PDE1C: variants seen among roughly 807,000 people sequenced by gnomAD.
PDE1C encodes the protein phosphodiesterase 1C.
Under a neutral mutation model 93.1 loss-of-function variants are expected in PDE1C, and 62 were observed. The ratio of observed to expected loss-of-function variants is 0.67; its 90% CI spans 0.54 to 0.82. The LOEUF (loss-of-function observed/expected upper bound fraction) is 0.82, where lower values mean the gene tolerates loss of function less well. Ranked by LOEUF, PDE1C falls within the 40% of genes least tolerant of loss-of-function variation. The probability of loss-of-function intolerance (pLI) is 0.00; values close to 1 mark genes in which losing one functional copy is unlikely to be tolerated. For synonymous variants in PDE1C, 325 were observed against 310.1 expected, an observed-to-expected ratio of 1.05 and a Z score of -0.50; for missense variants, 742 against 884.6, an observed-to-expected ratio of 0.84 and a Z score of 2.04.
intron 1 of PDE1C, among the ~76,000 whole-genome samples, chr7:32,382,465 G>T (rs441261): frequency 6.6e-6 from 1 of 152,016 alleles, no homozygotes; most frequent in Non-Finnish European, 1.5e-5. Context: ...GAAATGAGAA[G>T]GCTTTTAGTT....
At chr7:31,643,553 C>A in the PDE1C span, 3 of 1,613,920 alleles carry the variant, frequency 1.9e-6, no homozygotes, top group Admixed American at 1.7e-5. Context: ...GCCTTGGGGA[C>A]TGGTCCCAGA....
At chr7:32,278,301 G>T (rs1004674090) in intron 1 of PDE1C, among the ~76,000 whole-genome samples, 1 of 152,126 alleles carries the variant, frequency 6.6e-6, no homozygotes, top group Non-Finnish European at 1.5e-5. Context: ...GAAAGAACTG[G>T]AAATTAAAAT....
intron 9 of PDE1C, among the ~76,000 whole-genome samples, chr7:31,841,655 G>A (rs1277207251): frequency 2.0e-5 from 3 of 151,976 alleles, no homozygotes; most frequent in Admixed American, 6.6e-5. Context: ...TAAATATGGG[G>A]AATTCTTTTA....
chr7:31,999,326 C>T (rs75379238), intron 2 of PDE1C, among the ~76,000 whole-genome samples: 1 of 152,312 alleles, frequency 6.6e-6, no homozygotes, highest in African/African-American at 2.4e-5. Flanking sequence ...TTCATAAGAA[C>T]ATATCACAGG....
chr7:32,304,097 G>T (rs190689687), upstream of PDE1C, among the ~76,000 whole-genome samples: 465 of 152,206 alleles, frequency 3.1e-3, 11 homozygotes, highest in South Asian at 1.2e-3. Context: ...AACCAGGTTT[G>T]CCTAGAGACC....
intron 2 of PDE1C, among the ~76,000 whole-genome samples, chr7:31,881,378 G>GA (rs1273830075): frequency 3.3e-5 from 5 of 151,958 alleles, no homozygotes; most frequent in East Asian, 3.9e-4. Context: ...TTACTGGACA[G>GA]AAAAAATCAC....
At chr7:31,994,306 C>T (rs1784470493) in intron 2 of PDE1C, among the ~76,000 whole-genome samples, 1 of 151,922 alleles carries the variant, frequency 6.6e-6, no homozygotes, top group East Asian at 1.9e-4. Context: ...AAAAAGATAC[C>T]AAAACTTTTT....
chr7:32,085,565 G>A (rs188478836), intron 3 of PDE1C, among the ~76,000 whole-genome samples: 50,161 of 144,960 alleles, frequency 0.35, 9,437 homozygotes, highest in Non-Finnish European at 0.42. Context: ...CAGAATTTTA[G>A]ACCAATATCC....
rs1189002852 is a variant in PDE1C at position 32,162,194 on chromosome 7, C to A, written c.308+7591G>T. 2.6e-5 allele frequency among the ~76,000 whole-genome samples: 4 copies of A among 152,148 alleles called. No individual in the cohort carries two copies. The East Asian group carries it at 7.7e-4, about 29-fold the overall frequency. On this transcript the variant is annotated intron_variant, in intron 3 of 18. Transcript: ENST00000396193. ...AATCCCCTGTAAGGCAATAAAAGTA[C>A]AAGATACTAAAGAAAATTGTGACTT...
chr7:31,697,517 A>G, the PDE1C span, among the ~76,000 whole-genome samples: 1 of 152,216 alleles, frequency 6.6e-6, no homozygotes, highest in African/African-American at 2.4e-5. Context: ...AGACAGAAAA[A>G]GAGATGCAGA....
chr7:32,327,088 A>G (rs1001273933), intron 1 of PDE1C, among the ~76,000 whole-genome samples: 4 of 152,212 alleles, frequency 2.6e-5, no homozygotes, highest in Admixed American at 2.0e-4. Context: ...ACACGAGCAC[A>G]CAGAAACATC....
At chr7:31,744,506 C>T in the PDE1C span, among the ~76,000 whole-genome samples, 1 of 152,102 alleles carries the variant, frequency 6.6e-6, no homozygotes, top group Non-Finnish European at 1.5e-5. Context: ...TGACTGTGAG[C>T]GTATCAGGTG....
At chr7:31,689,269 G>A in the PDE1C span, among the ~76,000 whole-genome samples, 109 of 152,278 alleles carry the variant, frequency 7.2e-4, no homozygotes, top group Middle Eastern at 0.014. Context: ...CTTTGTAGTA[G>A]ACACAGTTTA....
At chr7:31,713,342 CAGGTCACGCTGATGCAAG>C in the PDE1C span, among the ~76,000 whole-genome samples, 1 of 152,234 alleles carries the variant, frequency 6.6e-6, no homozygotes, top group East Asian at 1.9e-4. Flanking sequence ...GTCTCACATC[CAGGTCACGCTGATGCAAG>C]AGGTGGGCTC....
chr7:31,871,239 C>T (rs746138448), intron 6 of PDE1C, among the ~76,000 whole-genome samples: 20 of 151,736 alleles, frequency 1.3e-4, no homozygotes, highest in Admixed American at 2.6e-4. Context: ...AAATCTATTA[C>T]GGACTTAAAC....
At chr7:32,080,339 G>A (rs889877555) in intron 3 of PDE1C, among the ~76,000 whole-genome samples, 2 of 152,016 alleles carry the variant, frequency 1.3e-5, no homozygotes, top group African/African-American at 4.8e-5. Context: ...ATTGACCAAT[G>A]ACCAATTGGG....
intron 1 of PDE1C, among the ~76,000 whole-genome samples, chr7:32,412,684 A>C (rs1785195720): frequency 8.4e-6 from 1 of 118,662 alleles, no homozygotes; most frequent in Non-Finnish European, 1.7e-5. Flanking sequence ...TTTGACATAC[A>C]TATGCAGTCC....
chr7:31,867,381 C>T (rs1482898170), intron 6 of PDE1C, among the ~76,000 whole-genome samples: 1 of 152,144 alleles, frequency 6.6e-6, no homozygotes, highest in Non-Finnish European at 1.5e-5. Flanking sequence ...CCCAGTTCCA[C>T]ACCTTCCAGT....
intron 9 of PDE1C, among the ~76,000 whole-genome samples, chr7:31,838,881 A>C (rs1791452354): frequency 6.6e-6 from 1 of 151,990 alleles, no homozygotes; most frequent in South Asian, 2.1e-4. Flanking sequence ...CCTCAAACCT[A>C]GCCCCAGGCA....
Sources: gnomAD v4.1 joint callset for allele counts (sites outside exome capture counted in the v4.1 genomes callset) on GRCh38, gnomAD v4.1.1 for gene constraint, MANE v1.5 for transcripts, NCBI Gene and HGNC (gene_info 2026-07-23, HGNC 2026-07-21) for gene names.